The following RCC1 variants were observed in gnomAD, a reference collection of about 807,000 sequenced individuals.
RCC1 encodes regulator of chromosome condensation 1.
Under a neutral mutation model 44.4 loss-of-function variants are expected in RCC1, and 11 were observed. The observed-to-expected ratio is 0.25, with a 90% CI of 0.16 to 0.41. The LOEUF (loss-of-function observed/expected upper bound fraction) is 0.41. Among genes scored for constraint, RCC1 ranks in the 10% least tolerant of loss-of-function variants. RCC1 has a pLI of 1.00. For missense variants in RCC1, 386 were observed against 547.1 expected, an observed-to-expected ratio of 0.71 and a Z score of 2.94; for synonymous variants, 213 against 216.5, an observed-to-expected ratio of 0.98 and a Z score of 0.14.
In RCC1 at chr1:28,531,894, G is replaced by A. The variant is rs1400048264; in HGVS notation, c.165G>A (p.Met55Ile). The A allele has an allele frequency of 6.2e-7, 1 of 1,609,554 alleles. No homozygotes were observed. The highest frequency in any genetic ancestry group is 1.1e-5 in the South Asian group (1 of 90,394). Residue 55 changes from methionine to isoleucine, a missense_variant, in exon 6 of 13, where the codon ATG (methionine) becomes ATA (isoleucine). By Grantham distance (10) the Met-to-Ile change is conservative. Transcript: ENST00000683442. ...AGCTGGGGCTGGGTGAGAATGTGATGGAGAGGAAGAAGCCGGCCCTGGTAT... is the reference window on the plus strand; with the variant it reads ...AGCTGGGGCTGGGTGAGAATGTGATAGAGAGGAAGAAGCCGGCCCTGGTAT... ...VGQLGLGENV[M>I]ERKKPALVSI...
chr1:28,532,510 A>G (rs1474863974), intron 7 of RCC1, among the ~76,000 whole-genome samples, 160 bp downstream of exon 7: 1 of 152,200 alleles, frequency 6.6e-6, no homozygotes, highest in African/African-American at 2.4e-5. Context: ...TAGCTTCCTC[A>G]TGTGGGCCTG....
At chr1:28,535,231 C>T in intron 8 of RCC1, 27 bp from the exon 9 acceptor site, 1 of 1,614,192 alleles carries the variant, frequency 6.2e-7, no homozygotes, top group Middle Eastern at 1.6e-4. Context: ...CAGTTGTGGC[C>T]TGCATCCCTT....
In RCC1 at chr1:28,516,517, AAG is replaced by A. The variant is rs1357043450; in HGVS notation, c.-152-205_-152-204del. On this transcript the variant is annotated intron_variant, in intron 3 of 12. Transcript: ENST00000683442. Reference sequence around the variant, plus strand: ...ACCCCATCTCAAAAAAAAAAAAAAAAAGAGTTGAGGTCTCCTTCCACCACTTG... The same window carrying A: ...ACCCCATCTCAAAAAAAAAAAAAAAAAGTTGAGGTCTCCTTCCACCACTTG... 6.7e-4 allele frequency among the ~76,000 whole-genome samples: 99 copies of A among 148,526 alleles called. 1 individual carries two copies. Among genetic ancestry groups the A allele is most frequent in the African/African-American group, 2.4e-3 (95 of 39,338 alleles).
At chr1:28,529,153 G>A (rs1663922167) in intron 4 of RCC1, among the ~76,000 whole-genome samples, 1 of 143,360 alleles carries the variant, frequency 7.0e-6, no homozygotes, top group Non-Finnish European at 1.5e-5. Context: ...AAAGTACTGG[G>A]ATTACAGGCG....
chr1:28,511,383 TA>T (rs1484705830), intron 3 of RCC1, among the ~76,000 whole-genome samples: 1 of 150,578 alleles, frequency 6.6e-6, no homozygotes, highest in African/African-American at 2.5e-5. Context: ...AAGGATACAG[TA>T]TCCAATTTTT....
intron 1 of RCC1, chr1:28,507,394 C>T (rs775577113): frequency 9.6e-6 from 5 of 519,120 alleles, no homozygotes; most frequent in Admixed American, 1.9e-5. Context: ...GGAGGTCACT[C>T]TCCCCGGGCT....
chr1:28,533,971 G>A lies in RCC1; in HGVS notation c.442-1079G>A, dbSNP rs1213986823. On this transcript the variant is annotated intron_variant, in intron 7 of 12. Coordinates refer to ENST00000683442, the MANE Select transcript of RCC1 (RefSeq NM_001381865.2). ...CGGCTCAGTGCAACCTCTGCCTCTC[G>A]GGCTCAAGCAATTCTCCTTCCTCAG... Among the ~76,000 whole-genome samples the A allele has an allele frequency of 1.1e-4, 14 of 133,030 alleles. No individual in the cohort carries two copies. The South Asian group carries it at 2.7e-3, about 26-fold the overall frequency. 87.3% of individuals were successfully genotyped at this position (133,030 alleles called of 152,430 possible). A position where few individuals can be genotyped will look rare whatever the true frequency, so the allele number is the denominator to read the frequency against.
At position 28,535,038 on chromosome 1, in the gene RCC1, C is replaced by G. The variant is rs757334897; in HGVS notation, c.442-12C>G. On this transcript the variant is annotated splice_polypyrimidine_tract_variant and intron_variant, in intron 7 of 12. Transcript: ENST00000683442. ...AGGACTGGCTGATAAGTGCCCTGTCCCTCCCTTCTAGGACAATAACGGTGT... is the reference window on the plus strand; with the variant it reads ...AGGACTGGCTGATAAGTGCCCTGTCGCTCCCTTCTAGGACAATAACGGTGT... The G allele has an allele frequency of 4.3e-6, 7 of 1,610,284 alleles. No individual in the cohort carries two copies. Among genetic ancestry groups the G allele is most frequent in the Non-Finnish European group, 5.9e-6 (7 of 1,176,648 alleles).
At chr1:28,527,440 G>A (rs187859975) in intron 4 of RCC1, among the ~76,000 whole-genome samples, 369 of 152,098 alleles carry the variant, frequency 2.4e-3, no homozygotes, top group Non-Finnish European at 4.2e-3. Context: ...ATGGGGTTTC[G>A]CCATGTTGCC....
At position 28,538,039 on chromosome 1, in the gene RCC1, C is replaced by T. The variant is rs761938333; in HGVS notation, c.*32C>T. 5.0e-6 allele frequency: 8 copies of T among 1,593,692 alleles called. No homozygotes were observed. In the Admixed American group the frequency reaches 8.7e-5, roughly 17 times the overall value. ...CTCTGAGGGCCTGGCTTCTGTCCTG[C>T]ACAACCTCCCTCACAGAACAGGGAA... On this transcript the variant is annotated 3_prime_UTR_variant, in exon 13 of 13. Transcript: ENST00000683442.
intron 3 of RCC1, among the ~76,000 whole-genome samples, 175 bp from the exon 4 acceptor site, chr1:28,516,547 TGAA>T (rs1295929876): frequency 6.6e-6 from 1 of 151,688 alleles, no homozygotes; most frequent in Non-Finnish European, 1.5e-5. Flanking sequence ...ACCACTTGTG[TGAA>T]GACCCCAGAA....
intron 1 of RCC1, chr1:28,506,407 ACTC>A (rs1355501638): frequency 1.2e-5 from 4 of 341,468 alleles, no homozygotes; most frequent in East Asian, 8.4e-5. Context: ...CTGGTTTTGA[ACTC>A]CTGATTTCCG....
chr1:28,527,133 G>A, intron 4 of RCC1: 1 of 1,275,450 alleles, frequency 7.8e-7, no homozygotes, highest in Non-Finnish European at 1.1e-6. Flanking sequence ...AGAAGCAGCA[G>A]GCCTGAGGGC....
chr1:28,513,585 C>G (rs919139177), intron 3 of RCC1, among the ~76,000 whole-genome samples: 7 of 146,638 alleles, frequency 4.8e-5, no homozygotes, highest in East Asian at 2.0e-4. Flanking sequence ...AGGCTATTTA[C>G]TTTTTTTTTT....
At chr1:28,526,357 C>G (rs1398069429) in intron 4 of RCC1, 1 of 370,770 alleles carries the variant, frequency 2.7e-6, no homozygotes, top group Non-Finnish European at 5.2e-6. Context: ...ATGAAGAGAC[C>G]TCTTAGTGCA....
intron 3 of RCC1, among the ~76,000 whole-genome samples, chr1:28,512,797 A>T (rs1662642533): frequency 6.6e-6 from 1 of 152,196 alleles, no homozygotes; most frequent in Non-Finnish European, 1.5e-5. Context: ...GTTCAAATCT[A>T]TCCTTGCTAG....
At chr1:28,528,050 T>A (rs1312412508) in intron 4 of RCC1, among the ~76,000 whole-genome samples, 2 of 149,324 alleles carry the variant, frequency 1.3e-5, no homozygotes, top group East Asian at 3.9e-4. Flanking sequence ...CTGTACGCAG[T>A]GGCTCACGCC....
chr1:28,535,604 C>T (rs1664497258), intron 9 of RCC1: 4 of 791,244 alleles, frequency 5.1e-6, no homozygotes, highest in Non-Finnish European at 8.6e-6. Context: ...AAACCTACTT[C>T]ATTAGGTTGC....
At chr1:28,510,734 G>A in intron 3 of RCC1, 1 of 152,304 alleles carries the variant, frequency 6.6e-6, no homozygotes, top group South Asian at 2.1e-4. Context: ...AATTGTCCAA[G>A]TCCACAACTA....
Sources: gnomAD v4.1 joint callset for allele counts (sites outside exome capture counted in the v4.1 genomes callset) on GRCh38, gnomAD v4.1.1 for gene constraint, MANE v1.5 for transcripts, NCBI Gene and HGNC (gene_info 2026-07-23, HGNC 2026-07-21) for gene names.